The following SOS2 variants were observed in gnomAD, a reference collection of about 807,000 sequenced individuals.
SOS2 encodes the protein son of sevenless homolog 2.
Under a neutral mutation model 148.2 loss-of-function variants are expected in SOS2, and 65 were observed. That is an observed-to-expected ratio of 0.44 (90% CI 0.36 to 0.54). The LOEUF (loss-of-function observed/expected upper bound fraction) is 0.54. SOS2 is among the 20% of genes least tolerant of loss of function. The pLI is 0.00. For missense variants in SOS2, 1,341 were observed against 1,590.2 expected (o/e 0.84, Z 2.67); for synonymous variants, 539 against 537.1 (o/e 1.00, Z -0.05).
chr14:50,179,554 G>A (rs1450900638), intron 7 of SOS2, among the ~76,000 whole-genome samples: 1 of 151,878 alleles, frequency 6.6e-6, no homozygotes, highest in East Asian at 1.9e-4. Context: ...TTGTAGAGAT[G>A]AGGTCTCCCT....
intron 17 of SOS2, among the ~76,000 whole-genome samples, chr14:50,139,417 T>C (rs771533920): frequency 6.6e-6 from 1 of 152,150 alleles, no homozygotes; most frequent in Non-Finnish European, 1.5e-5. Context: ...AACTCCAGGG[T>C]GCTATTGGAG....
intron 1 of SOS2, among the ~76,000 whole-genome samples, chr14:50,204,904 C>CTTTTT (rs386381336): frequency 2.1e-5 from 3 of 144,232 alleles, no homozygotes; most frequent in African/African-American, 5.1e-5. Flanking sequence ...TTTTTTCTTT[C>CTTTTT]TTTTTTTTTT....
chr14:50,186,140 GCT>G (rs1885902476), intron 5 of SOS2, among the ~76,000 whole-genome samples: 1 of 152,036 alleles, frequency 6.6e-6, no homozygotes. Context: ...AGAGTACTAT[GCT>G]CTGATTTTAG....
chr14:50,227,082 T>C (rs1887400517), intron 1 of SOS2, among the ~76,000 whole-genome samples: 1 of 152,150 alleles, frequency 6.6e-6, no homozygotes, highest in African/African-American at 2.4e-5. Flanking sequence ...GTAGTGTCAT[T>C]TCACTCTGCT....
intron 16 of SOS2, among the ~76,000 whole-genome samples, chr14:50,143,814 T>A (rs1884374714): frequency 1.4e-5 from 2 of 146,752 alleles, no homozygotes; most frequent in African/African-American, 5.0e-5. Context: ...TGCAACACCA[T>A]GCCTGGCTAT....
At chr14:50,160,439 T>C (rs1472195089) in intron 9 of SOS2, among the ~76,000 whole-genome samples, 1 of 127,598 alleles carries the variant, frequency 7.8e-6, no homozygotes, top group Non-Finnish European at 1.6e-5. Context: ...CAGGCTGGAA[T>C]GCAATGGCAC....
chr14:50,158,980 C>A (rs568731066), intron 10 of SOS2, among the ~76,000 whole-genome samples: 2 of 151,992 alleles, frequency 1.3e-5, no homozygotes, highest in East Asian at 3.9e-4. Flanking sequence ...GTCAGGAGAT[C>A]GAAACCATCC....
intron 7 of SOS2, among the ~76,000 whole-genome samples, chr14:50,178,711 T>TATATATATATATATAC (rs1237281191): frequency 4.2e-5 from 5 of 120,414 alleles, no homozygotes; most frequent in Non-Finnish European, 8.2e-5. Context: ...TATATATATA[T>TATATATATATATATAC]ACACACATAT....
rs1460978115 is a variant in SOS2, at chr14:50,157,075, T to C, written c.1981A>G (p.Ile661Val). ...CTGATTGGCTGCTCGCCTTTCTCTATTGCCAATTTGTCTGCGTCAGTAGGT... is the reference window on the plus strand; with the variant it reads ...CTGATTGGCTGCTCGCCTTTCTCTACTGCCAATTTGTCTGCGTCAGTAGGT... ...PEPTDADKLA[I>V]EKGEQPISAD... is the part of the protein sequence containing the mutation. Residue 661 changes from isoleucine (I) to valine (V), a missense_variant, in exon 12 of 23, where the codon ATA becomes GTA. This residue lies in a region of SOS2 where 408 missense variants were observed against 506.6 expected (regional missense o/e 0.81). Transcript: ENST00000216373. 3.7e-6 allele frequency: 6 copies of C among 1,612,748 alleles called. No homozygotes were observed. Among genetic ancestry groups the C allele is most frequent in the Admixed American group, 3.3e-5 (2 of 59,982 alleles).
intron 3 of SOS2, 116 bp from the exon 4 acceptor site, chr14:50,199,971 T>G: frequency 3.2e-6 from 2 of 619,146 alleles, no homozygotes; most frequent in Non-Finnish European, 5.6e-6. Flanking sequence ...ACTACATGTC[T>G]AAATGTATGG....
At chr14:50,182,721 G>A (rs182318111) in intron 5 of SOS2, 115 bp from the exon 6 acceptor site, 310 of 737,284 alleles carry the variant, frequency 4.2e-4, no homozygotes, top group Admixed American at 9.4e-4. Flanking sequence ...GAATAGCCCT[G>A]CTCCACAAGA....
At chr14:50,200,793 T>C (rs1052741971) in intron 3 of SOS2, among the ~76,000 whole-genome samples, 160 bp downstream of exon 3, 1 of 152,220 alleles carries the variant, frequency 6.6e-6, no homozygotes, top group Admixed American at 6.5e-5. Context: ...TCATTTTGTA[T>C]ACATATTAAT....
intron 7 of SOS2, among the ~76,000 whole-genome samples, chr14:50,174,891 A>G (rs1348395705): frequency 3.3e-5 from 5 of 152,244 alleles, no homozygotes; most frequent in Non-Finnish European, 5.9e-5. Flanking sequence ...TTTTAAATTT[A>G]AATAGTTACA....
At chr14:50,206,536 CAA>C (rs1174540088) in intron 1 of SOS2, among the ~76,000 whole-genome samples, 2 of 152,276 alleles carry the variant, frequency 1.3e-5, no homozygotes, top group Admixed American at 6.5e-5. Flanking sequence ...GAAATAATGA[CAA>C]GAGAAAAGTC....
intron 5 of SOS2, among the ~76,000 whole-genome samples, chr14:50,185,256 C>G (rs1885870137): frequency 6.6e-6 from 1 of 151,900 alleles, no homozygotes; most frequent in Non-Finnish European, 1.5e-5. Flanking sequence ...TCTGTGAGAT[C>G]TGACACTATT....
At chr14:50,156,148 A>C (rs1413860025) in intron 12 of SOS2, 1 of 152,156 alleles carries the variant, frequency 6.6e-6, no homozygotes, top group Non-Finnish European at 1.5e-5. Flanking sequence ...ACATATAATT[A>C]ATAAGATAAC....
At chr14:50,155,018 A>G (rs942004157) in intron 12 of SOS2, among the ~76,000 whole-genome samples, 1 of 152,166 alleles carries the variant, frequency 6.6e-6, no homozygotes, top group African/African-American at 2.4e-5. Flanking sequence ...TTAATGACAT[A>G]CAAGTTGAAG....
At chr14:50,122,878 C>CCATT (rs755508927) in intron 21 of SOS2, among the ~76,000 whole-genome samples, 11 of 152,236 alleles carry the variant, frequency 7.2e-5, no homozygotes, top group Middle Eastern at 3.4e-3. Context: ...TAATTTTCTG[C>CCATT]CATTCATTCA....
intron 21 of SOS2, among the ~76,000 whole-genome samples, chr14:50,122,685 C>T (rs79274940): frequency 0.027 from 4,171 of 152,232 alleles, 175 homozygotes; most frequent in African/African-American, 0.09. Flanking sequence ...TATTTCTCCA[C>T]GGTAGGCAAT....
Sources: allele counts gnomAD v4.1 joint callset (sites outside exome capture counted in the v4.1 genomes callset), GRCh38; gene constraint gnomAD v4.1.1; regional missense constraint gnomAD v4.1.1; transcripts MANE v1.5; gene names NCBI Gene and HGNC (gene_info 2026-07-23, HGNC 2026-07-21).